Variants in SEMA3A observed in about 807,000 individuals in gnomAD.
SEMA3A encodes semaphorin-3A.
A neutral mutation model predicts 97.9 loss-of-function variants in SEMA3A; 29 were observed. That is an observed-to-expected ratio of 0.30 (90% confidence interval 0.22 to 0.40). The LOEUF is 0.40. SEMA3A is among the 10% of genes least tolerant of loss of function. SEMA3A has a pLI of 1.00. For synonymous variants in SEMA3A, 321 were observed against 323.7 expected, an observed-to-expected ratio of 0.99 and a Z score of 0.09; for missense variants, 763 against 951.3, an observed-to-expected ratio of 0.80 and a Z score of 2.60.
At chr7:84,140,586 C>G (rs1052395587) in intron 1 of SEMA3A, among the ~76,000 whole-genome samples, 1 of 152,024 alleles carries the variant, frequency 6.6e-6, no homozygotes, top group Admixed American at 6.6e-5. Flanking sequence ...TTTCATAGAA[C>G]AGTCAAAGAA....
At chr7:84,055,980 A>T (rs1792957670) in intron 5 of SEMA3A, among the ~76,000 whole-genome samples, 1 of 152,222 alleles carries the variant, frequency 6.6e-6, no homozygotes, top group Non-Finnish European at 1.5e-5. Flanking sequence ...TGTCTACATT[A>T]AAAGGTGGTT....
chr7:84,355,918 C>T (rs1395833704), intron 2 of SEMA3A, among the ~76,000 whole-genome samples: 2 of 148,928 alleles, frequency 1.3e-5, no homozygotes, highest in African/African-American at 5.0e-5. Context: ...CTGATGAGCC[C>T]GTGGCCTTCA....
intron 1 of SEMA3A, among the ~76,000 whole-genome samples, chr7:84,429,547 T>TATATATATATATATATATATATAG (rs1443588588): frequency 2.6e-5 from 3 of 115,948 alleles, no homozygotes; most frequent in Non-Finnish European, 5.2e-5. Context: ...TATATATATA[T>TATATATATATATATATATATATAG]AGCGAGAGAG....
intron 14 of SEMA3A, among the ~76,000 whole-genome samples, chr7:83,977,474 G>A (rs1789198679): frequency 6.6e-6 from 1 of 151,916 alleles, no homozygotes. Flanking sequence ...GAGAATTCAT[G>A]GCTTTTTCAC....
At chr7:84,091,366 A>G (rs1794600609) in intron 4 of SEMA3A, among the ~76,000 whole-genome samples, 1 of 56,098 alleles carries the variant, frequency 1.8e-5, no homozygotes, top group Non-Finnish European at 6.3e-5. Flanking sequence ...GAAAGGAAGA[A>G]AGGAAGGAAG....
chr7:84,094,956 A>G (rs1156586091), intron 4 of SEMA3A, among the ~76,000 whole-genome samples: 1 of 151,754 alleles, frequency 6.6e-6, no homozygotes, highest in Non-Finnish European at 1.5e-5. Flanking sequence ...GCAGTCTAAC[A>G]TTAATTATAT....
Position 84,424,719 on chromosome 7 carries a change from ATTAT to A in SEMA3A, c.-245-52823_-245-52820del, listed in dbSNP as rs1297101696. 2.3e-3 allele frequency among the ~76,000 whole-genome samples: 232 copies of A among 100,032 alleles called. 2 individuals carry two copies. The highest frequency in any genetic ancestry group is 8.6e-3 in the African/African-American group (210 of 24,422). The allele number at this position is 100,032 out of a possible 152,430, so 65.6% of individuals were successfully genotyped here. ...ATTGATATCAATATATAATATATAA[ATTAT>A]TTATATATTATATATTTAGATATCA... On this transcript the variant is annotated intron_variant, in intron 1 of 3. Transcript: ENST00000424555.
intron 2 of SEMA3A, among the ~76,000 whole-genome samples, chr7:84,329,287 G>A (rs1584243359): frequency 6.6e-6 from 1 of 151,962 alleles, no homozygotes; most frequent in Non-Finnish European, 1.5e-5. Flanking sequence ...GAAACAAGTA[G>A]GTAAAAGATG....
At chr7:84,403,122 G>A (rs1803954320) in intron 1 of SEMA3A, among the ~76,000 whole-genome samples, 1 of 152,140 alleles carries the variant, frequency 6.6e-6, no homozygotes, top group African/African-American at 2.4e-5. Flanking sequence ...GGAAGCATGA[G>A]GGATCAGGGA....
intron 3 of SEMA3A, among the ~76,000 whole-genome samples, chr7:84,233,106 A>G (rs1584150802): frequency 6.6e-6 from 1 of 152,142 alleles, no homozygotes; most frequent in East Asian, 1.9e-4. Flanking sequence ...CCATTGCCTG[A>G]CTAATGAATT....
chr7:83,958,165 A>G lies in SEMA3A; in HGVS notation c.*3206T>C, dbSNP rs763244018. On this transcript the variant is annotated 3_prime_UTR_variant, in exon 17 of 17. Transcript: ENST00000265362. ...CATTAAAAAGAACAATACTTAATTT[A>G]AAGGGCATAAAAATTCACATCATCA... is the stretch of plus-strand genomic sequence containing the variant. 8.5e-5 allele frequency: 13 copies of G among 152,264 alleles called. No homozygotes were observed. Among genetic ancestry groups the G allele is most frequent in the Non-Finnish European group, 1.3e-4 (9 of 67,950 alleles). The allele number at this position is 152,264 out of a possible 1,614,324, so 9.4% of individuals were successfully genotyped here. A position where few individuals can be genotyped will look rare whatever the true frequency, so the allele number is the denominator to read the frequency against.
intron 3 of SEMA3A, among the ~76,000 whole-genome samples, chr7:84,208,731 T>C (rs1045477108): frequency 3.3e-5 from 5 of 152,250 alleles, no homozygotes; most frequent in Non-Finnish European, 7.3e-5. Context: ...TAAGTATAAG[T>C]GGAACAGTTG....
At chr7:84,365,549 A>G (rs964081078) in intron 2 of SEMA3A, among the ~76,000 whole-genome samples, 2 of 151,602 alleles carry the variant, frequency 1.3e-5, no homozygotes, top group Non-Finnish European at 3.0e-5. Context: ...CTTCTTTCTC[A>G]AAGTAAATAT....
At chr7:84,462,593 C>T (rs1299031246) in intron 1 of SEMA3A, among the ~76,000 whole-genome samples, 2 of 152,040 alleles carry the variant, frequency 1.3e-5, no homozygotes, top group African/African-American at 4.8e-5. Context: ...CAGTCTGGCA[C>T]TCTTAATTAG....
intron 4 of SEMA3A, among the ~76,000 whole-genome samples, chr7:84,067,504 A>C (rs1793564215): frequency 1.3e-5 from 2 of 151,630 alleles, no homozygotes; most frequent in South Asian, 2.1e-4. Flanking sequence ...AATGGGAGAA[A>C]ATTTTCGCAA....
intron 13 of SEMA3A, among the ~76,000 whole-genome samples, chr7:83,984,741 C>G (rs2535785): frequency 0.29 from 42,775 of 150,060 alleles, 6,983 homozygotes; most frequent in East Asian, 0.62. Context: ...TATTTAGAAG[C>G]AATTGACTTT....
intron 3 of SEMA3A, among the ~76,000 whole-genome samples, chr7:84,300,020 G>T (rs1201381216): frequency 2.4e-5 from 3 of 123,512 alleles, no homozygotes; most frequent in Non-Finnish European, 4.9e-5. Flanking sequence ...TGACAAGAGT[G>T]AGACTCAGTC....
intron 13 of SEMA3A, among the ~76,000 whole-genome samples, chr7:83,984,203 T>A (rs549306046): frequency 6.6e-6 from 1 of 152,194 alleles, no homozygotes; most frequent in Admixed American, 6.5e-5. Context: ...TAAATAATTT[T>A]AAAAATCATT....
chr7:84,272,351 A>C (rs1294368057), intron 3 of SEMA3A, among the ~76,000 whole-genome samples: 1 of 152,082 alleles, frequency 6.6e-6, no homozygotes, highest in Non-Finnish European at 1.5e-5. Flanking sequence ...TGCCTCTCTA[A>C]TAGGTTATTA....
Sources: gnomAD v4.1 joint callset for allele counts (sites outside exome capture counted in the v4.1 genomes callset) on GRCh38, gnomAD v4.1.1 for gene constraint, MANE v1.5 for transcripts, NCBI Gene and HGNC (gene_info 2026-07-23, HGNC 2026-07-21) for gene names.